The following CBX2 variants were observed in gnomAD, a reference collection of about 807,000 sequenced individuals.
The protein encoded by CBX2 is chromobox 2, also known as chromobox protein homolog 2.
A neutral mutation model predicts 21.0 loss-of-function variants in CBX2; 11 were observed. The observed-to-expected ratio is 0.52, with a 90% CI of 0.33 to 0.87. CBX2 has a LOEUF of 0.87. CBX2 is among the 40% of genes least tolerant of loss of function. CBX2 has a pLI of 0.02. For missense variants in CBX2, 746 were observed against 724.3 expected (o/e 1.03, Z -0.34); for synonymous variants, 364 against 304.6 (o/e 1.19, Z -2.03).
chr17:79,781,379 T>C (rs1429756037), intron 3 of CBX2, among the ~76,000 whole-genome samples: 2 of 152,112 alleles, frequency 1.3e-5, no homozygotes, highest in Non-Finnish European at 2.9e-5. Context: ...GGTTAGAATA[T>C]GCTAGAATTT....
rs1227639101 is a variant in CBX2, at chr17:79,787,934, A to C, written c.*2892A>C. 1.3e-5 allele frequency: 2 copies of C among 152,008 alleles called. No individual in the cohort carries two copies. The highest frequency in any genetic ancestry group is 2.9e-5 in the Non-Finnish European group (2 of 68,022). The allele number at this position is 152,008 out of a possible 1,614,324, so 9.4% of individuals were successfully genotyped here. A position where few individuals can be genotyped will look rare whatever the true frequency, so the allele number is the denominator to read the frequency against. ...TGAACCAAAGCCAATCACTGGCTTG[A>C]TTTGTGTTTTTTAATTAAAAAAAAA... On this transcript the variant is annotated 3_prime_UTR_variant, in exon 5 of 5. Transcript: ENST00000310942.
At chr17:79,783,535 C>T (rs1276869591) in intron 4 of CBX2, among the ~76,000 whole-genome samples, 197 bp from the exon 5 acceptor site, 1 of 152,008 alleles carries the variant, frequency 6.6e-6, no homozygotes, top group Non-Finnish European at 1.5e-5. Flanking sequence ...TCAGCCTCTG[C>T]AGTAGCTGGG....
intron 3 of CBX2, chr17:79,779,693 C>G (rs782720069): frequency 2.3e-5 from 12 of 520,160 alleles, no homozygotes; most frequent in African/African-American, 7.6e-5. Flanking sequence ...GCCATACTTG[C>G]AAAAACCAAC....
chr17:79,784,902 G>C lies in CBX2; in HGVS notation c.1459G>C (p.Val487Leu). The C allele has an allele frequency of 6.2e-7, 1 of 1,613,374 alleles. No individual in the cohort carries two copies. The highest frequency in any genetic ancestry group is 8.5e-7 in the Non-Finnish European group (1 of 1,180,036). ...PSTGQNPSVS[V>L]QTSQDWKPTR... ...CACTGGACAGAACCCGTCAGTGTCCGTTCAGACCAGCCAGGACTGGAAGCC... is the reference window on the plus strand; with the variant it reads ...CACTGGACAGAACCCGTCAGTGTCCCTTCAGACCAGCCAGGACTGGAAGCC... The change falls in exon 5 of 5, where the codon GTT becomes CTT. Residue 487 changes from valine to leucine, a missense_variant. Around this residue, in one of 2 missense-constraint regions of CBX2, gnomAD observed 701 missense variants for 650.7 expected, o/e 1.08. Transcript: ENST00000310942. This position sits in a 1 kb window ranked among gnomAD's most constrained non-coding sequence, Gnocchi z 5.9.
intron 4 of CBX2, among the ~76,000 whole-genome samples, chr17:79,782,891 A>C (rs1555830760): frequency 6.6e-6 from 1 of 151,798 alleles, no homozygotes; most frequent in African/African-American, 2.4e-5. Context: ...ACACAAGGAC[A>C]CTCTTATTTA....
In CBX2 at chr17:79,784,615, G is replaced by A; in HGVS notation, c.1172G>A (p.Gly391Asp). ...VPATNPAPGK[G>D]TGSGLIGASG... ...GCCACCAACCCAGCCCCTGGGAAGG[G>A]CACTGGGAGTGGCCTCATTGGGGCC... Residue 391 changes from glycine (G) to aspartate (D), a missense_variant, in exon 5 of 5, where the codon GGC becomes GAC. Gly to Asp is a moderately conservative substitution (Grantham distance 94). This residue lies in a region of CBX2 where 701 missense variants were observed against 650.7 expected (regional missense o/e 1.08). Coordinates refer to ENST00000310942, the MANE Select transcript of CBX2 (RefSeq NM_005189.3). The surrounding 1 kb of genome is among the most constrained non-coding windows in gnomAD (Gnocchi z 5.9). 1 of 1,612,606 alleles carries A rather than the reference G, an allele frequency of 6.2e-7. No homozygotes were observed. The highest frequency in any genetic ancestry group is 8.5e-7 in the Non-Finnish European group (1 of 1,179,942).
In CBX2 at chr17:79,784,550, T is replaced by C. The variant is rs558431654; in HGVS notation, c.1107T>C (p.Gly369=). The C allele has an allele frequency of 6.2e-7, 1 of 1,611,532 alleles. No homozygotes were observed. The highest frequency in any genetic ancestry group is 1.1e-5 in the South Asian group (1 of 91,000). The change falls in exon 5 of 5, where the codon GGT becomes GGC. Residue 369 remains glycine (G), a synonymous_variant. Transcript: ENST00000310942. The surrounding 1 kb of genome is among the most constrained non-coding windows in gnomAD (Gnocchi z 5.9). ...TCAAGAATGGCATGCCCGGGGTGGG[T>C]CTCCTTGCCCGCCACGCCACCGCCA... is the stretch of plus-strand genomic sequence containing the variant. ...QSVKNGMPGV[G]LLARHATATK...
chr17:79,785,166 T>C lies in CBX2; in HGVS notation c.*124T>C, dbSNP rs964857145. The C allele has an allele frequency of 3.7e-5, 30 of 807,676 alleles. No individual in the cohort carries two copies. Among genetic ancestry groups the C allele is most frequent in the Non-Finnish European group, 5.5e-5 (27 of 490,288 alleles). The allele number at this position is 807,676 out of a possible 1,614,324, so 50.0% of individuals were successfully genotyped here. On this transcript the variant is annotated 3_prime_UTR_variant, in exon 5 of 5. Transcript: ENST00000310942. The stretch of plus-strand genomic sequence containing the variant: ...GTCGGGGGAGGAGGAGTGGGTGGCC[T>C]CCTTGATGGGCAGGCTTGGAAGGGA...
intron 4 of CBX2, chr17:79,782,380 G>A: frequency 2.1e-6 from 3 of 1,410,104 alleles, no homozygotes; most frequent in Non-Finnish European, 1.9e-6. Flanking sequence ...ACAGTGATGG[G>A]CTCACCCCGC....
rs1598223812 is a variant in CBX2, at chr17:79,782,269, A to G, written c.288+468A>G. The G allele has an allele frequency of 3.9e-6, 6 of 1,553,604 alleles. No individual in the cohort carries two copies. The East Asian group carries it at 1.4e-4, about 37-fold the overall frequency. On this transcript the variant is annotated intron_variant, in intron 4 of 4. Transcript: ENST00000310942. ...CCACGAAAGGCAGGGCTGACTGAAT[A>G]GCCAGGGGGTGCCAGGAGGGGCCTT...
At chr17:79,781,062 G>C (rs1042838057) in intron 3 of CBX2, among the ~76,000 whole-genome samples, 1 of 58,112 alleles carries the variant, frequency 1.7e-5, no homozygotes, top group Non-Finnish European at 4.0e-5. Context: ...TTCTGGGGGC[G>C]GGGGGGGTAC....
rs1907569694 is a variant in CBX2, at chr17:79,785,413, T to G, written c.*371T>G. On this transcript the variant is annotated 3_prime_UTR_variant, in exon 5 of 5. Transcript: ENST00000310942. ...ACTGCTCCTCCCTGGCCTGCGTGAC[T>G]GAATCACAGCTTTGGTCCCTGTCTT... 1 of 317,788 alleles carries G rather than the reference T, an allele frequency of 3.1e-6. No individual in the cohort carries two copies. Among genetic ancestry groups the G allele is most frequent in the Non-Finnish European group, 6.1e-6 (1 of 164,594 alleles). The allele number at this position is 317,788 out of a possible 1,614,324, so 19.7% of individuals were successfully genotyped here.
rs1555829320 is a variant in CBX2, at chr17:79,778,213, G to C, written c.-23G>C. ...GCGGGTGACTGGCGGCGGGCGCCGC[G>C]GTCGGGCTGGCTGCCGGGCAGCATG... On this transcript the variant is annotated 5_prime_UTR_variant, in exon 1 of 5. Transcript: ENST00000310942. This position sits in a 1 kb window ranked among gnomAD's most constrained non-coding sequence, Gnocchi z 4.8. 2 of 1,319,728 alleles carry C rather than the reference G, an allele frequency of 1.5e-6. No individual in the cohort carries two copies. The highest frequency in any genetic ancestry group is 3.3e-5 in the East Asian group (1 of 30,660). The allele number at this position is 1,319,728 out of a possible 1,614,324, so 81.8% of individuals were successfully genotyped here. A position where few individuals can be genotyped will look rare whatever the true frequency, so the allele number is the denominator to read the frequency against.
rs1907495365 is a variant in CBX2, at chr17:79,784,593, A to G, written c.1150A>G (p.Thr384Ala). ...HATATKGVPATNPAPGKGTGS... is the reference protein window; with the variant it reads ...HATATKGVPAANPAPGKGTGS... ...CACCGCCACCAAGGGTGTCCCGGCC[A>G]CCAACCCAGCCCCTGGGAAGGGCAC... Residue 384 changes from threonine to alanine, a missense_variant, in exon 5 of 5, where the codon ACC becomes GCC. By Grantham distance (58) the Thr-to-Ala change is moderately conservative. Transcript: ENST00000310942. This position sits in a 1 kb window ranked among gnomAD's most constrained non-coding sequence, Gnocchi z 5.9. 1.9e-6 allele frequency: 3 copies of G among 1,612,562 alleles called. No individual in the cohort carries two copies. In the South Asian group the frequency reaches 3.3e-5, roughly 18 times the overall value.
At chr17:79,779,269 C>T (rs2145820895) in intron 2 of CBX2, 93 bp from the exon 3 acceptor site, 3 of 1,228,782 alleles carry the variant, frequency 2.4e-6, no homozygotes, top group East Asian at 2.4e-5. Flanking sequence ...CGGCCCAAGT[C>T]GAGGAGCGGT....
At position 79,784,757 on chromosome 17, in the gene CBX2, T is replaced by C. The variant is rs532091014; in HGVS notation, c.1314T>C (p.Ser438=). 237 of 1,610,882 alleles carry C rather than the reference T, an allele frequency of 1.5e-4. 1 individual carries two copies. The South Asian group carries it at 2.3e-3, about 16-fold the overall frequency. ...RDCVKGSATP[S]GQESRTAPGE... is the part of the protein sequence containing the mutation. The stretch of plus-strand genomic sequence containing the variant: ...GTGTCAAGGGCAGTGCTACCCCCAG[T>C]GGGCAGGAGAGCCGCACAGCCCCCG... Residue 438 remains serine, a synonymous_variant, in exon 5 of 5, where the codon AGT becomes AGC. Coordinates refer to ENST00000310942, the MANE Select transcript of CBX2 (RefSeq NM_005189.3). The surrounding 1 kb of genome is among the most constrained non-coding windows in gnomAD (Gnocchi z 5.9).
chr17:79,786,544 T>G lies in CBX2; in HGVS notation c.*1502T>G, dbSNP rs1907648925. 1 of 152,672 alleles carries G rather than the reference T, an allele frequency of 6.5e-6. No individual in the cohort carries two copies. Among genetic ancestry groups the G allele is most frequent in the South Asian group, 2.1e-4 (1 of 4,834 alleles). 9.5% of individuals were successfully genotyped at this position (152,672 alleles called of 1,614,324 possible). On this transcript the variant is annotated 3_prime_UTR_variant, in exon 5 of 5. Transcript: ENST00000310942. Reference sequence around the variant, plus strand: ...TATGGCTTCTGACCAGTATCAGGATTTCTGTTCTGAGAGCAGCGTGGGCAG... The same window carrying G: ...TATGGCTTCTGACCAGTATCAGGATGTCTGTTCTGAGAGCAGCGTGGGCAG...
rs781865949 is a variant in CBX2 at position 79,784,496 on chromosome 17, G to A, written c.1053G>A (p.Leu351=). 8.1e-6 allele frequency: 13 copies of A among 1,612,674 alleles called. No individual in the cohort carries two copies. Among genetic ancestry groups the A allele is most frequent in the Non-Finnish European group, 9.3e-6 (11 of 1,179,948 alleles). The part of the protein sequence containing the change: ...PGPQPAPTQE[L]SLQVLDLQSV... ...CCCAGCCAGCACCCACCCAGGAGCTGAGCCTCCAGGTCTTGGACTTGCAGA... is the reference window on the plus strand; with the variant it reads ...CCCAGCCAGCACCCACCCAGGAGCTAAGCCTCCAGGTCTTGGACTTGCAGA... The change falls in exon 5 of 5, where the codon CTG becomes CTA. Residue 351 remains leucine, a synonymous_variant. Transcript: ENST00000310942. The surrounding 1 kb of genome is among the most constrained non-coding windows in gnomAD (Gnocchi z 5.9).
chr17:79,779,008 C>T (rs1367908412), intron 2 of CBX2, among the ~76,000 whole-genome samples: 1 of 152,168 alleles, frequency 6.6e-6, no homozygotes, highest in Non-Finnish European at 1.5e-5. Flanking sequence ...ACCTGCCTTC[C>T]CTTCCTCCTC....
Sources: gnomAD v4.1 joint callset for allele counts (sites outside exome capture counted in the v4.1 genomes callset) on GRCh38, gnomAD v4.1.1 for gene constraint, gnomAD v4.1.1 regional missense constraint, Gnocchi (gnomAD v3.1) non-coding constraint, MANE v1.5 for transcripts, NCBI Gene and HGNC (gene_info 2026-07-23, HGNC 2026-07-21) for gene names.